Variants in MCUB observed in about 807,000 individuals in gnomAD.
MCUB encodes calcium uniporter regulatory subunit MCUb, mitochondrial.
MCUB carries 46 observed loss-of-function variants against 41.4 expected under a neutral mutation model. The ratio of observed to expected loss-of-function variants is 1.11; its 90% CI spans 0.88 to 1.42. The LOEUF is 1.42. MCUB is among the 40% of genes most tolerant of loss of function. The pLI is 0.00. For missense variants in MCUB, 403 were observed against 404.9 expected (o/e 1.00, Z 0.04); for synonymous variants, 148 against 148.2 (o/e 1.00, Z 0.01).
In MCUB at chr4:109,591,185, CTTT is replaced by C. The variant is rs111954864; in HGVS notation, c.99+30762_99+30764del. Among the ~76,000 whole-genome samples the C allele has an allele frequency of 1.8e-4, 26 of 141,360 alleles. No homozygotes were observed. The East Asian group carries it at 1.9e-3, about 10-fold the overall frequency. 92.7% of individuals were successfully genotyped at this position (141,360 alleles called of 152,430 possible). A position where few individuals can be genotyped will look rare whatever the true frequency, so the allele number is the denominator to read the frequency against. ...CTCTCTCATGTTAAATGTTAAAATTCTTTTTTTTTTTTTTTCCTTTGAGACAGT... is the reference window on the plus strand; with the variant it reads ...CTCTCTCATGTTAAATGTTAAAATTCTTTTTTTTTTTTCCTTTGAGACAGT... On this transcript the variant is annotated intron_variant, in intron 1 of 7. Coordinates refer to ENST00000394650, the MANE Select transcript of MCUB (RefSeq NM_017918.5).
intron 1 of MCUB, among the ~76,000 whole-genome samples, chr4:109,572,525 G>A (rs1001297553): frequency 3.3e-5 from 5 of 152,202 alleles, no homozygotes; most frequent in African/African-American, 1.2e-4. Flanking sequence ...AGATATTTAG[G>A]ATAGTTGAAA....
intron 1 of MCUB, among the ~76,000 whole-genome samples, chr4:109,646,721 G>A (rs1728846581): frequency 6.6e-6 from 1 of 151,998 alleles, no homozygotes; most frequent in Non-Finnish European, 1.5e-5. Flanking sequence ...GGTCCTACTG[G>A]TCCTCCCTCA....
rs146375029 is a variant in MCUB, at chr4:109,666,872, C to T, written c.451+2478C>T. 1.1e-3 allele frequency among the ~76,000 whole-genome samples: 161 copies of T among 152,170 alleles called. 3 individuals carry two copies. In the East Asian group the frequency reaches 0.029, roughly 27 times the overall value. The stretch of plus-strand genomic sequence containing the variant: ...TATCATGTGATTTTTCTTCCTTAGT[C>T]TGTTGATATGATGGATTACATGAAT... On this transcript the variant is annotated intron_variant, in intron 4 of 7. Transcript: ENST00000394650.
Position 109,685,392 on chromosome 4 carries a change from C to T in MCUB, c.933+25C>T, listed in dbSNP as rs770385863. Reference sequence around the variant, plus strand: ...GGTATACTACAAATACATCTTATAGCTGGTTTGTTTGGGAGCCAGAACTTA... The same window carrying T: ...GGTATACTACAAATACATCTTATAGTTGGTTTGTTTGGGAGCCAGAACTTA... On this transcript the variant is annotated intron_variant, in intron 7 of 7. Transcript: ENST00000394650. The T allele has an allele frequency of 3.9e-6, 4 of 1,026,584 alleles. No homozygotes were observed. The South Asian group carries it at 5.3e-5, about 14-fold the overall frequency. The allele number at this position is 1,026,584 out of a possible 1,614,324, so 63.6% of individuals were successfully genotyped here.
intron 3 of MCUB, among the ~76,000 whole-genome samples, chr4:109,660,871 T>G (rs528020526): frequency 6.6e-6 from 1 of 152,174 alleles, no homozygotes; most frequent in Non-Finnish European, 1.5e-5. Context: ...GAAAAATTAA[T>G]GGAATAAATT....
intron 1 of MCUB, among the ~76,000 whole-genome samples, chr4:109,622,446 A>G (rs1303532197): frequency 2.0e-5 from 3 of 152,220 alleles, no homozygotes; most frequent in South Asian, 2.1e-4. Context: ...TTATTGGCCA[A>G]GAGATTTCAA....
At chr4:109,651,781 T>C (rs1043758972) in intron 1 of MCUB, among the ~76,000 whole-genome samples, 5 of 152,184 alleles carry the variant, frequency 3.3e-5, no homozygotes, top group African/African-American at 9.7e-5. Flanking sequence ...ATTCTTGATA[T>C]ATTTTTTTCT....
chr4:109,673,926 A>G, intron 4 of MCUB: 1 of 782,216 alleles, frequency 1.3e-6, no homozygotes, highest in South Asian at 1.3e-5. Context: ...AAGAGGCACC[A>G]TTCGTACCCA....
At chr4:109,614,351 A>G (rs1010592524) in intron 1 of MCUB, among the ~76,000 whole-genome samples, 13 of 152,092 alleles carry the variant, frequency 8.5e-5, no homozygotes, top group Admixed American at 4.6e-4. Context: ...TTAAGCCTCA[A>G]TGGAGGCTTT....
At chr4:109,678,369 C>T (rs561033086) in intron 4 of MCUB, among the ~76,000 whole-genome samples, 11 of 151,780 alleles carry the variant, frequency 7.2e-5, no homozygotes, top group South Asian at 6.2e-4. Flanking sequence ...GTGGGGCGGC[C>T]GGGCAGAGGC....
chr4:109,577,601 T>TAAGACCTATGAGATTAAATA (rs1561214372), intron 1 of MCUB, among the ~76,000 whole-genome samples: 9 of 46,668 alleles, frequency 1.9e-4, no homozygotes, highest in South Asian at 1.8e-3. Context: ...TTGAATTCTT[T>TAAGACCTATGAGATTAAATA]TTTTTTTTTT....
At chr4:109,665,821 G>C (rs1460823869) in intron 4 of MCUB, among the ~76,000 whole-genome samples, 3 of 152,018 alleles carry the variant, frequency 2.0e-5, no homozygotes, top group Non-Finnish European at 4.4e-5. Flanking sequence ...TGGCAGGGGT[G>C]GGGGCGCATG....
intron 1 of MCUB, among the ~76,000 whole-genome samples, chr4:109,644,534 A>G (rs1164577177): frequency 6.6e-6 from 1 of 152,174 alleles, no homozygotes; most frequent in African/African-American, 2.4e-5. Flanking sequence ...CTATTTACCT[A>G]TTGTTAGGCA....
intron 1 of MCUB, among the ~76,000 whole-genome samples, chr4:109,598,925 C>CT (rs1454306927): frequency 6.6e-6 from 1 of 152,154 alleles, no homozygotes; most frequent in Non-Finnish European, 1.5e-5. Context: ...TAGCTATTCT[C>CT]TATCAGCCAA....
At chr4:109,625,671 C>A (rs1728345283) in intron 1 of MCUB, among the ~76,000 whole-genome samples, 1 of 152,212 alleles carries the variant, frequency 6.6e-6, no homozygotes, top group South Asian at 2.1e-4. Flanking sequence ...ATTACAATTA[C>A]AATCACTCTT....
At chr4:109,632,614 G>GC (rs1728498373) in intron 1 of MCUB, among the ~76,000 whole-genome samples, 1 of 62,404 alleles carries the variant, frequency 1.6e-5, no homozygotes, top group Non-Finnish European at 2.9e-5. Flanking sequence ...TTCTGTCATT[G>GC]CTTTTTTTTT....
In MCUB at chr4:109,628,988, G is replaced by A. The variant is rs191389315; in HGVS notation, c.100-30023G>A. Among the ~76,000 whole-genome samples the A allele has an allele frequency of 1.1e-3, 160 of 152,278 alleles. 1 individual carries two copies. The highest frequency in any genetic ancestry group is 2.1e-3 in the Non-Finnish European group (140 of 68,020). ...GAAGCCACCGAAGAGTGAAATGTTT[G>A]GAGCAGCAGTTTAGGACTTGGTGCT... On this transcript the variant is annotated intron_variant, in intron 1 of 7. Coordinates refer to ENST00000394650, the MANE Select transcript of MCUB (RefSeq NM_017918.5).
At chr4:109,597,502 C>T (rs1356826127) in intron 1 of MCUB, among the ~76,000 whole-genome samples, 224 of 111,068 alleles carry the variant, frequency 2.0e-3, no homozygotes, top group African/African-American at 8.2e-3. Flanking sequence ...GCTGGCCGGG[C>T]GGGGGGCTGA....
intron 1 of MCUB, among the ~76,000 whole-genome samples, chr4:109,606,074 A>G (rs1727864359): frequency 1.3e-5 from 2 of 152,158 alleles, no homozygotes; most frequent in African/African-American, 4.8e-5. Context: ...TCCTGGGTTC[A>G]TGCCATTCTC....
Sources: allele counts gnomAD v4.1 joint callset (sites outside exome capture counted in the v4.1 genomes callset), GRCh38; gene constraint gnomAD v4.1.1; transcripts MANE v1.5; gene names NCBI Gene and HGNC (gene_info 2026-07-23, HGNC 2026-07-21).